SLC41A2: variants seen among roughly 807,000 people sequenced by gnomAD.
SLC41A2 encodes the protein solute carrier family 41 member 2, also known as SLC41A1-like 1.
A neutral mutation model predicts 58.3 loss-of-function variants in SLC41A2; 32 were observed. The observed-to-expected ratio is 0.55, with a 90% CI of 0.41 to 0.74. The LOEUF is 0.74. SLC41A2 is among the 30% of genes least tolerant of loss of function. The pLI is 0.00. For missense variants in SLC41A2, 514 were observed against 680.6 expected (o/e 0.76, Z 2.72); for synonymous variants, 190 against 235.0 (o/e 0.81, Z 1.75).
rs139274218 is a variant in SLC41A2 at position 104,803,254 on chromosome 12, A to AT, written c.*1897dup. The AT allele has an allele frequency of 6.6e-6, 1 of 152,218 alleles. No homozygotes were observed. Among genetic ancestry groups the AT allele is most frequent in the East Asian group, 1.9e-4 (1 of 5,186 alleles). The allele number at this position is 152,218 out of a possible 1,614,324, so 9.4% of individuals were successfully genotyped here. A position where few individuals can be genotyped will look rare whatever the true frequency, so the allele number is the denominator to read the frequency against. On this transcript the variant is annotated 3_prime_UTR_variant, in exon 11 of 11. Transcript: ENST00000258538. ...ATAATAAAATCAAAGATATTCATGG[A>AT]TTTTTTTAAGTAAAAAATCTTTGCA... is the stretch of plus-strand genomic sequence containing the variant.
intron 10 of SLC41A2, among the ~76,000 whole-genome samples, chr12:104,810,786 C>T (rs78217076): frequency 0.035 from 5,310 of 152,166 alleles, 192 homozygotes; most frequent in African/African-American, 0.091. Context: ...AATCCTCTGA[C>T]ATATAAAAAA....
chr12:104,818,899 A>AATAG (rs2041522462), intron 10 of SLC41A2, among the ~76,000 whole-genome samples: 2 of 151,810 alleles, frequency 1.3e-5, no homozygotes, highest in Non-Finnish European at 2.9e-5. Context: ...TAAATAAATA[A>AATAG]ATAAAATTTA....
At chr12:104,850,424 G>A (rs2042756443) in intron 8 of SLC41A2, among the ~76,000 whole-genome samples, 2 of 152,078 alleles carry the variant, frequency 1.3e-5, no homozygotes, top group South Asian at 4.1e-4. Context: ...GAGTAATTCT[G>A]TTCAAAGATA....
chr12:104,927,677 A>T (rs893356017), intron 2 of SLC41A2, among the ~76,000 whole-genome samples: 4 of 152,166 alleles, frequency 2.6e-5, no homozygotes, highest in African/African-American at 9.7e-5. Context: ...AAAAGTAAGA[A>T]AGTATTTAAA....
At chr12:104,931,608 T>G (rs578087577) in intron 1 of SLC41A2, 10 of 152,154 alleles carry the variant, frequency 6.6e-5, no homozygotes, top group Non-Finnish European at 1.3e-4. Context: ...AAACAGTTGA[T>G]TAAACAAAGA....
chr12:104,837,445 C>T (rs1280210300), intron 10 of SLC41A2, among the ~76,000 whole-genome samples: 1 of 152,068 alleles, frequency 6.6e-6, no homozygotes, highest in Non-Finnish European at 1.5e-5. Context: ...TTGCTCAACA[C>T]CTCCCTGGAA....
intron 1 of SLC41A2, among the ~76,000 whole-genome samples, chr12:104,945,974 G>C (rs1446104784): frequency 6.6e-6 from 1 of 152,162 alleles, no homozygotes; most frequent in African/African-American, 2.4e-5. Flanking sequence ...TGAAAATAAC[G>C]CCAAACAAAA....
At chr12:104,912,854 C>G (rs2046144811) in intron 2 of SLC41A2, among the ~76,000 whole-genome samples, 1 of 152,156 alleles carries the variant, frequency 6.6e-6, no homozygotes, top group African/African-American at 2.4e-5. Flanking sequence ...AATTGGAGAA[C>G]ACTAATTCTG....
intron 1 of SLC41A2, chr12:104,931,921 T>C (rs1329284758): frequency 1.3e-5 from 2 of 152,256 alleles, no homozygotes; most frequent in Non-Finnish European, 2.9e-5. Flanking sequence ...ATCTTCTTCA[T>C]TGCTTAAGCT....
chr12:104,877,767 G>C (rs1475720392), intron 6 of SLC41A2, among the ~76,000 whole-genome samples: 1 of 152,152 alleles, frequency 6.6e-6, no homozygotes, highest in Non-Finnish European at 1.5e-5. Context: ...GGGAGGCCGA[G>C]GCAGGCAGAT....
At chr12:104,897,766 TG>T (rs1486276776) in intron 3 of SLC41A2, among the ~76,000 whole-genome samples, 1 of 152,206 alleles carries the variant, frequency 6.6e-6, no homozygotes, top group Non-Finnish European at 1.5e-5. Flanking sequence ...AGGGAAAATA[TG>T]TATAGTATAG....
intron 6 of SLC41A2, among the ~76,000 whole-genome samples, chr12:104,881,189 A>T (rs1224875566): frequency 6.6e-6 from 1 of 152,000 alleles, no homozygotes; most frequent in Non-Finnish European, 1.5e-5. Flanking sequence ...TATTGCCTCT[A>T]TTTGATTCTT....
intron 8 of SLC41A2, among the ~76,000 whole-genome samples, chr12:104,850,605 C>G (rs1310895500): frequency 6.6e-6 from 1 of 152,184 alleles, no homozygotes; most frequent in African/African-American, 2.4e-5. Context: ...AGCTTCCCCC[C>G]TTCTAAGCTG....
At chr12:104,910,031 T>C (rs1233021159) in intron 2 of SLC41A2, among the ~76,000 whole-genome samples, 1 of 152,184 alleles carries the variant, frequency 6.6e-6, no homozygotes, top group African/African-American at 2.4e-5. Context: ...ACAACCCTTA[T>C]ATTCCTAAAG....
chr12:104,955,243 C>A (rs1359246564), intron 1 of SLC41A2, among the ~76,000 whole-genome samples: 1 of 151,854 alleles, frequency 6.6e-6, no homozygotes, highest in Non-Finnish European at 1.5e-5. Context: ...CTCGAACTCC[C>A]AACCTCAGGT....
At chr12:104,949,529 G>C (rs934752026) in intron 1 of SLC41A2, among the ~76,000 whole-genome samples, 22 of 152,062 alleles carry the variant, frequency 1.4e-4, no homozygotes, top group African/African-American at 4.3e-4. Flanking sequence ...TAGACAAAAT[G>C]TAAGTGTTCA....
chr12:104,867,671 T>C (rs996971022), intron 6 of SLC41A2, among the ~76,000 whole-genome samples: 1 of 151,826 alleles, frequency 6.6e-6, no homozygotes, highest in African/African-American at 2.4e-5. Flanking sequence ...GATATTAAAA[T>C]AAAGCTAAAC....
intron 6 of SLC41A2, among the ~76,000 whole-genome samples, chr12:104,870,143 C>A (rs555170121): frequency 1.2e-4 from 19 of 152,140 alleles, no homozygotes; most frequent in African/African-American, 4.3e-4. Flanking sequence ...ATTTGTGTGA[C>A]CCCTAAATAT....
intron 10 of SLC41A2, among the ~76,000 whole-genome samples, chr12:104,816,431 T>A (rs1459315789): frequency 6.6e-6 from 1 of 152,112 alleles, no homozygotes; most frequent in Non-Finnish European, 1.5e-5. Context: ...GGAAACAGCA[T>A]GCCAGGGTAA....
Sources: allele counts gnomAD v4.1 joint callset (sites outside exome capture counted in the v4.1 genomes callset), GRCh38; gene constraint gnomAD v4.1.1; transcripts MANE v1.5; gene names NCBI Gene and HGNC (gene_info 2026-07-23, HGNC 2026-07-21).